Variants in TMC1 observed in about 807,000 individuals in gnomAD.
The protein encoded by TMC1 is transmembrane channel-like protein 1.
A neutral mutation model predicts 105.8 loss-of-function variants in TMC1; 84 were observed. The observed-to-expected ratio is 0.79, with a 90% CI of 0.67 to 0.95. The LOEUF (loss-of-function observed/expected upper bound fraction) is 0.95. Ranked by LOEUF, TMC1 falls within the 40% of genes least tolerant of loss-of-function variation. The pLI, the probability that TMC1 is intolerant of heterozygous loss-of-function variation, is 0.00. For missense variants in TMC1, 817 were observed against 914.1 expected (o/e 0.89, Z 1.37); for synonymous variants, 315 against 311.5 (o/e 1.01, Z -0.12).
In TMC1 at chr9:72,836,745, G is replaced by A. The variant is rs1017006435; in HGVS notation, c.*772G>A. The A allele has an allele frequency of 6.6e-6, 1 of 151,936 alleles. No homozygotes were observed. Among genetic ancestry groups the A allele is most frequent in the South Asian group, 2.1e-4 (1 of 4,814 alleles). 9.4% of individuals were successfully genotyped at this position (151,936 alleles called of 1,614,324 possible). ...CATAAATGACTGTTGTTCTCTCACA[G>A]TCTGCTCATTTGTCTTCCAATGATC... On this transcript the variant is annotated 3_prime_UTR_variant, in exon 24 of 24. Transcript: ENST00000297784.
chr9:72,653,415 G>A (rs1564470076), intron 5 of TMC1, among the ~76,000 whole-genome samples: 2 of 152,230 alleles, frequency 1.3e-5, no homozygotes, highest in East Asian at 3.9e-4. Context: ...ATGACTGATG[G>A]ACATCAACAG....
intron 8 of TMC1, among the ~76,000 whole-genome samples, chr9:72,716,921 T>C (rs1268159608): frequency 6.6e-6 from 1 of 152,182 alleles, no homozygotes; most frequent in East Asian, 1.9e-4. Flanking sequence ...GGGAATCTCC[T>C]GGTCTGCAGG....
chr9:72,555,853 C>A (rs569974988), intron 1 of TMC1, among the ~76,000 whole-genome samples: 3 of 151,620 alleles, frequency 2.0e-5, no homozygotes, highest in African/African-American at 7.3e-5. Flanking sequence ...AAACTCCTGA[C>A]CTTGTGATCC....
chr9:72,751,745 G>A, intron 10 of TMC1, 105 bp from the exon 11 acceptor site: 2 of 763,094 alleles, frequency 2.6e-6, no homozygotes. Context: ...AAGGACCAAT[G>A]CCTCACAATT....
intron 1 of TMC1, among the ~76,000 whole-genome samples, chr9:72,532,014 C>T (rs985426819): frequency 6.6e-6 from 1 of 152,048 alleles, no homozygotes; most frequent in African/African-American, 2.4e-5. Flanking sequence ...TCACTGCAAC[C>T]TCCATCTCCT....
chr9:72,791,205 T>C (rs911389126), intron 15 of TMC1, among the ~76,000 whole-genome samples: 24 of 151,888 alleles, frequency 1.6e-4, no homozygotes, highest in African/African-American at 5.8e-4. Context: ...CTCTCCCCCC[T>C]CTCCCCACCC....
chr9:72,543,602 G>A (rs1823713542), intron 1 of TMC1, among the ~76,000 whole-genome samples: 2 of 152,168 alleles, frequency 1.3e-5, no homozygotes, highest in Admixed American at 1.3e-4. Flanking sequence ...GGCCAACATG[G>A]TGAAACTCTG....
chr9:72,551,448 G>A (rs999015218), intron 1 of TMC1, among the ~76,000 whole-genome samples: 1 of 152,198 alleles, frequency 6.6e-6, no homozygotes, highest in South Asian at 2.1e-4. Flanking sequence ...GGCACTATGA[G>A]CCCATGATTT....
chr9:72,787,755 T>A (rs868795294), intron 13 of TMC1, among the ~76,000 whole-genome samples: 7 of 152,078 alleles, frequency 4.6e-5, no homozygotes, highest in African/African-American at 1.7e-4. Flanking sequence ...GCATTCAGGT[T>A]GTATAAAAAT....
intron 21 of TMC1, among the ~76,000 whole-genome samples, chr9:72,829,420 T>G (rs1218189231): frequency 6.6e-6 from 1 of 152,208 alleles, no homozygotes; most frequent in East Asian, 1.9e-4. Flanking sequence ...TTCCAGAACT[T>G]GAAAGGACTT....
At chr9:72,653,281 C>G (rs989933944) in intron 5 of TMC1, among the ~76,000 whole-genome samples, 1 of 152,122 alleles carries the variant, frequency 6.6e-6, no homozygotes, top group South Asian at 2.1e-4. Context: ...AGGCACATTG[C>G]TATGCCAGCT....
At position 72,821,502 on chromosome 9, in the gene TMC1, C is replaced by CAA. The variant is rs35069464; in HGVS notation, c.2003+435_2003+436dup. Among the ~76,000 whole-genome samples, 937 of 105,472 alleles carry CAA rather than the reference C, an allele frequency of 8.9e-3. 10 individuals carry two copies. The highest frequency in any genetic ancestry group is 0.03 in the African/African-American group (865 of 28,492). 69.2% of individuals were successfully genotyped at this position (105,472 alleles called of 152,430 possible). A position where few individuals can be genotyped will look rare whatever the true frequency, so the allele number is the denominator to read the frequency against. On this transcript the variant is annotated intron_variant, in intron 20 of 23. Coordinates refer to ENST00000297784, the MANE Select transcript of TMC1 (RefSeq NM_138691.3). The stretch of plus-strand genomic sequence containing the variant: ...GGAGGACAAGAGCAAAACTCTGTCT[C>CAA]AAAAAAAAAAAAAAAGAAAGAAATG...
chr9:72,816,230 G>C lies in TMC1; in HGVS notation c.1763+20G>C, dbSNP rs200683781. On this transcript the variant is annotated intron_variant, in intron 19 of 23. Transcript: ENST00000297784. ...GATCTGGTAGGCCAGCTGTTGGACA[G>C]CTTATCACTTACAGAAAAGCCTCCC... 1.9e-6 allele frequency: 3 copies of C among 1,610,772 alleles called. No individual in the cohort carries two copies. The highest frequency in any genetic ancestry group is 2.5e-6 in the Non-Finnish European group (3 of 1,177,166).
At chr9:72,672,775 C>T (rs779741170) in intron 5 of TMC1, among the ~76,000 whole-genome samples, 1 of 150,952 alleles carries the variant, frequency 6.6e-6, no homozygotes, top group Non-Finnish European at 1.5e-5. Context: ...CCTGTAATTC[C>T]AGCACTTTGG....
intron 8 of TMC1, among the ~76,000 whole-genome samples, chr9:72,722,143 C>G (rs932423378): frequency 1.3e-5 from 2 of 152,080 alleles, no homozygotes; most frequent in Non-Finnish European, 2.9e-5. Flanking sequence ...CTTATGAGAA[C>G]ATTGAAAACA....
At chr9:72,574,457 C>T (rs1251542450) in intron 1 of TMC1, among the ~76,000 whole-genome samples, 2 of 152,204 alleles carry the variant, frequency 1.3e-5, no homozygotes, top group African/African-American at 2.4e-5. Flanking sequence ...AGAGACTGCT[C>T]CCATTTCAGA....
chr9:72,722,807 T>C (rs1163530722), intron 8 of TMC1, among the ~76,000 whole-genome samples: 1 of 152,192 alleles, frequency 6.6e-6, no homozygotes. Flanking sequence ...AGCCCTGATC[T>C]ATAGTGCTTG....
chr9:72,700,769 C>T, intron 8 of TMC1, 126 bp downstream of exon 8: 1 of 331,948 alleles, frequency 3.0e-6, no homozygotes. Flanking sequence ...CATACACACA[C>T]ACACACACAC....
intron 1 of TMC1, among the ~76,000 whole-genome samples, chr9:72,575,432 C>T (rs1217148522): frequency 2.0e-5 from 3 of 152,298 alleles, no homozygotes; most frequent in Admixed American, 6.5e-5. Flanking sequence ...CTGCCCGCCT[C>T]GGCCTCCCAA....
Sources: gnomAD v4.1 joint callset for allele counts (sites outside exome capture counted in the v4.1 genomes callset) on GRCh38, gnomAD v4.1.1 for gene constraint, MANE v1.5 for transcripts, NCBI Gene and HGNC (gene_info 2026-07-23, HGNC 2026-07-21) for gene names.